CFAP61: variants seen among roughly 807,000 people sequenced by gnomAD.
The protein encoded by CFAP61 is cilia- and flagella-associated protein 61.
Under a neutral mutation model 135.6 loss-of-function variants are expected in CFAP61, and 107 were observed. That is an observed-to-expected ratio of 0.79 (90% CI 0.67 to 0.93). The LOEUF (loss-of-function observed/expected upper bound fraction) is 0.93. Among genes scored for constraint, CFAP61 ranks in the 40% least tolerant of loss-of-function variants. The pLI, the probability that CFAP61 is intolerant of heterozygous loss-of-function variation, is 0.00. For synonymous variants in CFAP61, 575 were observed against 578.5 expected (o/e 0.99, Z 0.09); for missense variants, 1,507 against 1,556.2 (o/e 0.97, Z 0.53).
chr20:20,165,023 G>GAGATAA (rs1357405112), intron 11 of CFAP61, among the ~76,000 whole-genome samples: 1 of 152,154 alleles, frequency 6.6e-6, no homozygotes, highest in African/African-American at 2.4e-5. Flanking sequence ...CTCCCACAGG[G>GAGATAA]TCCCTCCCAC....
At chr20:20,114,197 G>C (rs946042686) in intron 8 of CFAP61, among the ~76,000 whole-genome samples, 2 of 152,134 alleles carry the variant, frequency 1.3e-5, no homozygotes, top group African/African-American at 4.8e-5. Flanking sequence ...CTAACCCTGG[G>C]AGGTGGAGGT....
chr20:20,067,391 C>T (rs1020370574), intron 2 of CFAP61, among the ~76,000 whole-genome samples: 1 of 151,880 alleles, frequency 6.6e-6, no homozygotes, highest in African/African-American at 2.4e-5. Flanking sequence ...GACCACAGAG[C>T]GAGACTCCGT....
At chr20:20,200,757 A>G (rs1286225588) in intron 17 of CFAP61, 4 of 985,314 alleles carry the variant, frequency 4.1e-6, no homozygotes, top group Non-Finnish European at 4.8e-6. Flanking sequence ...GCTGGAGACG[A>G]TGCTGAAATA....
At chr20:20,101,376 C>T (rs2048006276) in intron 8 of CFAP61, among the ~76,000 whole-genome samples, 1 of 152,094 alleles carries the variant, frequency 6.6e-6, no homozygotes, top group Admixed American at 6.5e-5. Context: ...TATCCTATAA[C>T]TTGGTGTAGG....
At chr20:20,088,671 A>C (rs555590956) in intron 6 of CFAP61, among the ~76,000 whole-genome samples, 150 of 152,228 alleles carry the variant, frequency 9.9e-4, no homozygotes, top group African/African-American at 3.5e-3. Context: ...AGAGGTTAAC[A>C]AGAAGATTCA....
chr20:20,120,217 A>G (rs2049504410), intron 8 of CFAP61, among the ~76,000 whole-genome samples: 1 of 152,156 alleles, frequency 6.6e-6, no homozygotes, highest in Non-Finnish European at 1.5e-5. Flanking sequence ...TTCTTGAGGT[A>G]CATCGTTAAG....
At chr20:20,323,959 G>C (rs1237972721) in intron 25 of CFAP61, among the ~76,000 whole-genome samples, 4 of 152,062 alleles carry the variant, frequency 2.6e-5, no homozygotes, top group African/African-American at 9.7e-5. Flanking sequence ...TTAACGACTG[G>C]ATAGAGTTCT....
intron 26 of CFAP61, among the ~76,000 whole-genome samples, chr20:20,355,275 G>A (rs1428829574): frequency 7.2e-6 from 1 of 139,610 alleles, no homozygotes; most frequent in African/African-American, 2.7e-5. Flanking sequence ...CACTGTGAGG[G>A]GTGGTCACAC....
intron 26 of CFAP61, among the ~76,000 whole-genome samples, chr20:20,344,168 C>A (rs1473795790): frequency 6.6e-6 from 1 of 152,212 alleles, no homozygotes; most frequent in Non-Finnish European, 1.5e-5. Flanking sequence ...CTGGACTATG[C>A]AATGTGGCCT....
At chr20:20,297,978 C>G (rs2122128552) in intron 24 of CFAP61, among the ~76,000 whole-genome samples, 1 of 152,246 alleles carries the variant, frequency 6.6e-6, no homozygotes, top group East Asian at 1.9e-4. Flanking sequence ...TTTAAATATC[C>G]TTGTAGTCCC....
intron 25 of CFAP61, among the ~76,000 whole-genome samples, chr20:20,305,113 C>T (rs1266875719): frequency 6.6e-6 from 1 of 150,996 alleles, no homozygotes; most frequent in African/African-American, 2.4e-5. Flanking sequence ...CTCGCGCCCG[C>T]GCCACCACCG....
intron 8 of CFAP61, among the ~76,000 whole-genome samples, chr20:20,108,244 A>C (rs1291769038): frequency 6.6e-6 from 1 of 152,220 alleles, no homozygotes; most frequent in Non-Finnish European, 1.5e-5. Context: ...TGGTTATCAC[A>C]GAATGCATTA....
intron 8 of CFAP61, among the ~76,000 whole-genome samples, chr20:20,099,127 T>TCACACAAA: frequency 6.7e-6 from 1 of 149,474 alleles, no homozygotes; most frequent in Admixed American, 6.7e-5. Context: ...GTTTCAGGTT[T>TCACACAAA]CACACACACA....
intron 13 of CFAP61, among the ~76,000 whole-genome samples, chr20:20,173,359 T>C (rs6046695): frequency 0.9 from 136,970 of 152,266 alleles, 62,430 homozygotes; most frequent in Middle Eastern, 0.99. Flanking sequence ...TGTCAAACTA[T>C]CTGACAGAGT....
At chr20:20,057,651 GT>G (rs1236100512) in intron 2 of CFAP61, among the ~76,000 whole-genome samples, 2 of 152,102 alleles carry the variant, frequency 1.3e-5, no homozygotes, top group African/African-American at 4.8e-5. Flanking sequence ...TCTCTGTTTT[GT>G]TTGTTTATAG....
intron 18 of CFAP61, among the ~76,000 whole-genome samples, chr20:20,234,356 C>G (rs942219932): frequency 6.6e-6 from 1 of 152,034 alleles, no homozygotes; most frequent in African/African-American, 2.4e-5. Flanking sequence ...CCTTATGGTC[C>G]CTTAGTTTGC....
intron 21 of CFAP61, chr20:20,265,446 A>T: frequency 1.3e-6 from 1 of 779,796 alleles, no homozygotes; most frequent in Middle Eastern, 2.3e-4. Context: ...TATTCTGCTG[A>T]CTTGCCCAGT....
intron 20 of CFAP61, among the ~76,000 whole-genome samples, chr20:20,261,867 C>T (rs532953030): frequency 4.6e-5 from 7 of 152,020 alleles, no homozygotes; most frequent in African/African-American, 9.6e-5. Context: ...AGCTATCATC[C>T]GTTATTGTGT....
At chr20:20,184,191 T>A (rs1459865667) in intron 13 of CFAP61, among the ~76,000 whole-genome samples, 1 of 152,196 alleles carries the variant, frequency 6.6e-6, no homozygotes, top group Non-Finnish European at 1.5e-5. Flanking sequence ...TCCAGTCCAG[T>A]ATCCAACAAC....
Sources: allele counts gnomAD v4.1 joint callset (sites outside exome capture counted in the v4.1 genomes callset), GRCh38; gene constraint gnomAD v4.1.1; transcripts MANE v1.5; gene names NCBI Gene and HGNC (gene_info 2026-07-23, HGNC 2026-07-21).